Variants in SOX5 observed in about 807,000 individuals in gnomAD.
The protein encoded by SOX5 is SRY-box transcription factor 5, also known as transcription factor SOX-5.
SOX5 carries 9 observed loss-of-function variants against 92.0 expected under a neutral mutation model. That is an observed-to-expected ratio of 0.10 (90% CI 0.06 to 0.17). SOX5 has a LOEUF of 0.17. SOX5 is among the 10% of genes least tolerant of loss of function. The probability of loss-of-function intolerance (pLI) is 1.00; values close to 1 mark genes in which losing one functional copy is unlikely to be tolerated. For synonymous variants in SOX5, 344 were observed against 336.3 expected, an observed-to-expected ratio of 1.02 and a Z score of -0.25; for missense variants, 642 against 944.5, an observed-to-expected ratio of 0.68 and a Z score of 4.20.
chr12:23,534,925 G>A lies in SOX5; in HGVS notation c.1989-403C>T, dbSNP rs564651218. On this transcript the variant is annotated intron_variant, in intron 14 of 14. Coordinates refer to ENST00000451604, the MANE Select transcript of SOX5 (RefSeq NM_006940.6). ...GGGTTTCACCATGTTGGCCAGGCTGGTCTTGAACTCCTGACCTCAGGTGAT... is the reference window on the plus strand; with the variant it reads ...GGGTTTCACCATGTTGGCCAGGCTGATCTTGAACTCCTGACCTCAGGTGAT... 5.9e-5 allele frequency among the ~76,000 whole-genome samples: 9 copies of A among 152,118 alleles called. No individual in the cohort carries two copies. The East Asian group carries it at 1.6e-3, about 26-fold the overall frequency.
At chr12:24,096,007 C>T (rs909486130) in intron 4 of SOX5, among the ~76,000 whole-genome samples, 13 of 152,184 alleles carry the variant, frequency 8.5e-5, no homozygotes, top group Non-Finnish European at 1.2e-4. Context: ...ATACAAACCT[C>T]TTACCCTAAC....
intron 4 of SOX5, among the ~76,000 whole-genome samples, chr12:24,127,764 C>T (rs930846174): frequency 1.3e-5 from 2 of 152,202 alleles, no homozygotes; most frequent in African/African-American, 4.8e-5. Flanking sequence ...AATACCACCT[C>T]ACCCCACCTG....
intron 2 of SOX5, among the ~76,000 whole-genome samples, chr12:24,339,925 C>G (rs1382725587): frequency 6.6e-6 from 1 of 152,250 alleles, no homozygotes; most frequent in Non-Finnish European, 1.5e-5. Flanking sequence ...GTATTATCCC[C>G]CCTGGCTGTA....
intron 2 of SOX5, among the ~76,000 whole-genome samples, chr12:23,851,132 A>T (rs995447659): frequency 5.9e-5 from 9 of 152,134 alleles, no homozygotes; most frequent in Non-Finnish European, 1.2e-4. Flanking sequence ...ATCAAGATAA[A>T]AGTTTATTTA....
chr12:24,053,444 A>G (rs186190371), intron 4 of SOX5, among the ~76,000 whole-genome samples: 29 of 148,418 alleles, frequency 2.0e-4, no homozygotes, highest in African/African-American at 6.6e-4. Flanking sequence ...ACTCTCTCTT[A>G]TATCATACAC....
At chr12:23,546,259 G>A (rs1438846714) in intron 12 of SOX5, 57 bp downstream of exon 12, 1 of 973,046 alleles carries the variant, frequency 1.0e-6, no homozygotes, top group Non-Finnish European at 1.6e-6. Flanking sequence ...GTTTTAATTG[G>A]CACTACCTAG....
At chr12:24,454,411 T>C (rs1381842019) in intron 1 of SOX5, among the ~76,000 whole-genome samples, 1 of 152,242 alleles carries the variant, frequency 6.6e-6, no homozygotes, top group African/African-American at 2.4e-5. Context: ...ATTTTCTACT[T>C]GCTTCTTTCT....
chr12:24,193,501 A>G (rs1245898916), intron 4 of SOX5, among the ~76,000 whole-genome samples: 1 of 152,216 alleles, frequency 6.6e-6, no homozygotes, highest in African/African-American at 2.4e-5. Flanking sequence ...TTACTTAAAT[A>G]TCTCAAGTAT....
chr12:23,886,676 G>A (rs73066331), intron 2 of SOX5, among the ~76,000 whole-genome samples: 27,762 of 151,948 alleles, frequency 0.18, 3,165 homozygotes, highest in Non-Finnish European at 0.26. Flanking sequence ...TTTTATAAAT[G>A]ATCTCCTTCC....
At chr12:23,987,061 A>G (rs1271048861) in intron 4 of SOX5, among the ~76,000 whole-genome samples, 1 of 152,206 alleles carries the variant, frequency 6.6e-6, no homozygotes, top group Non-Finnish European at 1.5e-5. Flanking sequence ...GACTGATTTC[A>G]ACTGCTGATT....
chr12:24,079,312 T>C (rs1473486139), intron 4 of SOX5, among the ~76,000 whole-genome samples: 1 of 151,990 alleles, frequency 6.6e-6, no homozygotes, highest in South Asian at 2.1e-4. Context: ...AAAGGGTTTT[T>C]CTGCCAAGAC....
At chr12:24,424,796 GAGT>G (rs1966462149) in intron 1 of SOX5, among the ~76,000 whole-genome samples, 2 of 122,216 alleles carry the variant, frequency 1.6e-5, no homozygotes, top group African/African-American at 6.4e-5. Context: ...TTTTCTTTGT[GAGT>G]TTTTTTTTTG....
chr12:23,718,948 A>C (rs1408292635), intron 6 of SOX5, among the ~76,000 whole-genome samples: 1 of 152,184 alleles, frequency 6.6e-6, no homozygotes, highest in African/African-American at 2.4e-5. Context: ...TCAGAGAGAG[A>C]AGGAGAAATG....
rs544192351 is a variant in SOX5 at position 24,044,138 on chromosome 12, G to A, written c.-1-148114C>T. Reference sequence around the variant, plus strand: ...GAATAATACTACACAACATAAAGGTGTCTGTGCATGCCTTTGATTTATATG... The same window carrying A: ...GAATAATACTACACAACATAAAGGTATCTGTGCATGCCTTTGATTTATATG... On this transcript the variant is annotated intron_variant, in intron 4 of 4. Transcript: ENST00000446891. 9.8e-5 allele frequency among the ~76,000 whole-genome samples: 15 copies of A among 152,314 alleles called. No homozygotes were observed. In the East Asian group the frequency reaches 2.5e-3, roughly 25 times the overall value.
At position 23,549,644 on chromosome 12, in the gene SOX5, A is replaced by G. The variant is rs550859281; in HGVS notation, c.1489-3220T>C. On this transcript the variant is annotated intron_variant, in intron 11 of 14. Transcript: ENST00000451604. Reference sequence around the variant, plus strand: ...AGGGCAAAAAGAGATTAATTACAACAAAGTAGTCAACATGTAAAAGTCCTG... The same window carrying G: ...AGGGCAAAAAGAGATTAATTACAACGAAGTAGTCAACATGTAAAAGTCCTG... Among the ~76,000 whole-genome samples the G allele has an allele frequency of 1.0e-3, 157 of 152,086 alleles. 1 individual carries two copies. Among genetic ancestry groups the G allele is most frequent in the Non-Finnish European group, 1.5e-3 (101 of 67,878 alleles).
chr12:24,095,124 C>CAG (rs1295495095), intron 4 of SOX5, among the ~76,000 whole-genome samples: 7 of 105,110 alleles, frequency 6.7e-5, no homozygotes, highest in South Asian at 7.8e-4. Flanking sequence ...CACACACACA[C>CAG]ACACAGAGAG....
At chr12:23,555,116 T>C (rs535127120) in intron 11 of SOX5, among the ~76,000 whole-genome samples, 1 of 152,296 alleles carries the variant, frequency 6.6e-6, no homozygotes, top group East Asian at 1.9e-4. Flanking sequence ...CCCCATAACC[T>C]TGGCATAACT....
intron 2 of SOX5, among the ~76,000 whole-genome samples, chr12:24,304,864 G>T (rs1236223435): frequency 1.3e-5 from 2 of 152,114 alleles, no homozygotes; most frequent in African/African-American, 4.8e-5. Flanking sequence ...AATCAGCGTG[G>T]TCATCGTCAC....
In SOX5 at chr12:23,536,715, C is replaced by T. The variant is rs1940549976; in HGVS notation, c.1772-46G>A. 2.8e-6 allele frequency: 4 copies of T among 1,439,020 alleles called. No individual in the cohort carries two copies. The East Asian group carries it at 6.8e-5, about 25-fold the overall frequency. 89.1% of individuals were successfully genotyped at this position (1,439,020 alleles called of 1,614,324 possible). Reference sequence around the variant, plus strand: ...GATTCCAATTTGCACAGCTTCTAAGCATTCCAGAAAGTGATATGGCTGAGA... The same window carrying T: ...GATTCCAATTTGCACAGCTTCTAAGTATTCCAGAAAGTGATATGGCTGAGA... On this transcript the variant is annotated intron_variant, in intron 13 of 14. Transcript: ENST00000451604.
Sources: gnomAD v4.1 joint callset for allele counts (sites outside exome capture counted in the v4.1 genomes callset) on GRCh38, gnomAD v4.1.1 for gene constraint, MANE v1.5 for transcripts, NCBI Gene and HGNC (gene_info 2026-07-23, HGNC 2026-07-21) for gene names.